FNTA: variants seen among roughly 807,000 people sequenced by gnomAD.
The protein encoded by FNTA is farnesyltransferase, CAAX box, subunit alpha.
In FNTA, 27 loss-of-function variants were observed where a neutral mutation model predicts 55.2. The ratio of observed to expected loss-of-function variants is 0.49; its 90% CI spans 0.36 to 0.67. The LOEUF is 0.67. Ranked by LOEUF, FNTA falls within the 30% of genes least tolerant of loss-of-function variation. The pLI is 0.00. For synonymous variants in FNTA, 176 were observed against 170.7 expected, an observed-to-expected ratio of 1.03 and a Z score of -0.24; for missense variants, 422 against 464.7, an observed-to-expected ratio of 0.91 and a Z score of 0.85.
At chr8:43,061,388 C>G (rs1366443998) in intron 2 of FNTA, among the ~76,000 whole-genome samples, 3 of 152,182 alleles carry the variant, frequency 2.0e-5, no homozygotes, top group Non-Finnish European at 4.4e-5. Context: ...CTATGTGCCT[C>G]TGTTTCCACC....
At chr8:43,062,173 A>ATGTGTGTGTGTGTG (rs35607201) in intron 2 of FNTA, among the ~76,000 whole-genome samples, 15 of 148,904 alleles carry the variant, frequency 1.0e-4, no homozygotes, top group Non-Finnish European at 1.0e-4. Context: ...TGTATGTTTT[A>ATGTGTGTGTGTGTG]TGTGTGTGTG....
chr8:43,065,986 A>G (rs1010684695), intron 3 of FNTA, among the ~76,000 whole-genome samples: 2 of 151,146 alleles, frequency 1.3e-5, no homozygotes, highest in Admixed American at 6.6e-5. Context: ...GAAGATTTCC[A>G]TTCCTTTGTT....
intron 3 of FNTA, among the ~76,000 whole-genome samples, chr8:43,068,279 G>A (rs1402455633): frequency 4.6e-5 from 7 of 152,064 alleles, no homozygotes; most frequent in Non-Finnish European, 8.8e-5. Context: ...CCCAAAGTTA[G>A]CAGTTCATTT....
rs528559291 is a variant in FNTA, at chr8:43,064,172, A to T, written c.358A>T (p.Thr120Ser). Residue 120 changes from threonine to serine, a missense_variant, in exon 3 of 9, where the codon ACC becomes TCC. Physicochemically the swap from Thr to Ser is moderately conservative, Grantham distance 58. Coordinates refer to ENST00000302279, the MANE Select transcript of FNTA (RefSeq NM_002027.3). Reference sequence around the variant, plus strand: ...AAGAAGTGAACGAGCTTTTAAGCTAACCCGGGATGCTATTGAGTTAAATGC... The same window carrying T: ...AAGAAGTGAACGAGCTTTTAAGCTATCCCGGGATGCTATTGAGTTAAATGC... ...DERSERAFKL[T>S]RDAIELNAAN... 1 of 1,613,860 alleles carries T rather than the reference A, an allele frequency of 6.2e-7. No individual in the cohort carries two copies. Among genetic ancestry groups the T allele is most frequent in the Non-Finnish European group, 8.5e-7 (1 of 1,179,686 alleles).
At chr8:43,067,458 G>A (rs1810686124) in intron 3 of FNTA, among the ~76,000 whole-genome samples, 2 of 152,120 alleles carry the variant, frequency 1.3e-5, no homozygotes, top group African/African-American at 2.4e-5. Context: ...ATTAGGGAGT[G>A]AGAATAAACT....
At chr8:43,069,936 G>T (rs1175322274) in intron 4 of FNTA, among the ~76,000 whole-genome samples, 2 of 151,924 alleles carry the variant, frequency 1.3e-5, no homozygotes, top group African/African-American at 2.4e-5. Context: ...GAGCCATTGC[G>T]CCTGGCCTAG....
chr8:43,062,019 T>C (rs923164271), intron 2 of FNTA, among the ~76,000 whole-genome samples: 4 of 151,944 alleles, frequency 2.6e-5, no homozygotes, highest in African/African-American at 9.7e-5. Flanking sequence ...GCGCCTGGTC[T>C]GTTTATAATG....
Position 43,077,377 on chromosome 8 carries a change from C to T in FNTA, c.782+13C>T, listed in dbSNP as rs907536057. The T allele has an allele frequency of 1.3e-6, 2 of 1,595,980 alleles. No individual in the cohort carries two copies. Among genetic ancestry groups the T allele is most frequent in the Middle Eastern group, 1.7e-4 (1 of 5,994 alleles). ...AGAGAGAAGTCCAGTTAGTAATCTC[C>T]TTCACTTGCTCATTCGTTACAAACA... On this transcript the variant is annotated intron_variant, in intron 6 of 8. Transcript: ENST00000302279.
At chr8:43,063,125 A>G (rs575066140) in intron 2 of FNTA, among the ~76,000 whole-genome samples, 27 of 138,338 alleles carry the variant, frequency 2.0e-4, no homozygotes, top group Non-Finnish European at 2.9e-4. Flanking sequence ...TTGTGCTGTC[A>G]CCCAGGCTCG....
intron 5 of FNTA, among the ~76,000 whole-genome samples, chr8:43,072,719 C>A (rs1458726555): frequency 1.3e-5 from 2 of 151,666 alleles, no homozygotes; most frequent in Non-Finnish European, 2.9e-5. Flanking sequence ...AGAGTGAGAC[C>A]CTATCTATTT....
intron 3 of FNTA, among the ~76,000 whole-genome samples, chr8:43,065,480 C>T (rs1039714487): frequency 4.6e-5 from 7 of 152,100 alleles, no homozygotes; most frequent in African/African-American, 1.2e-4. Context: ...CTCCTGACCT[C>T]GGGTGATCCA....
At chr8:43,068,344 A>G (rs938934809) in intron 3 of FNTA, among the ~76,000 whole-genome samples, 2 of 152,128 alleles carry the variant, frequency 1.3e-5, no homozygotes, top group Admixed American at 6.5e-5. Flanking sequence ...TCGAGTTGGA[A>G]ATTTTTGAAA....
chr8:43,063,617 T>C (rs1341455834), intron 2 of FNTA, among the ~76,000 whole-genome samples: 2 of 152,154 alleles, frequency 1.3e-5, no homozygotes, highest in Non-Finnish European at 2.9e-5. Flanking sequence ...TAGACTATAT[T>C]TGGAAGGATA....
chr8:43,068,253 C>T (rs1810705555), intron 3 of FNTA, among the ~76,000 whole-genome samples: 1 of 152,098 alleles, frequency 6.6e-6, no homozygotes, highest in South Asian at 2.1e-4. Flanking sequence ...CTCAAGTGAT[C>T]TGCCTGCCTC....
intron 5 of FNTA, among the ~76,000 whole-genome samples, chr8:43,076,230 G>C (rs953652338): frequency 2.6e-5 from 4 of 152,004 alleles, no homozygotes; most frequent in Non-Finnish European, 5.9e-5. Context: ...TTTTAGTAGA[G>C]ATGGGGTTTA....
In FNTA at chr8:43,077,269, G is replaced by A; in HGVS notation, c.687G>A (p.Glu229=). ...AGTATGTGGACCAACTTCTGAAAGA[G>A]GATGTGAGAAATAACTCTGTCTGGA... ...ELQYVDQLLK[E]DVRNNSVWNQ... is the part of the protein sequence containing the mutation. Residue 229 remains glutamate (E), a synonymous_variant, in exon 6 of 9, where the codon GAG becomes GAA. Coordinates refer to ENST00000302279, the MANE Select transcript of FNTA (RefSeq NM_002027.3). 5.0e-6 allele frequency: 8 copies of A among 1,611,742 alleles called. No homozygotes were observed. Among genetic ancestry groups the A allele is most frequent in the Non-Finnish European group, 6.8e-6 (8 of 1,178,508 alleles).
chr8:43,076,203 C>T (rs916652241), intron 5 of FNTA, among the ~76,000 whole-genome samples: 3 of 151,964 alleles, frequency 2.0e-5, no homozygotes, highest in Non-Finnish European at 4.4e-5. Context: ...GTCATCACAC[C>T]CGGCTAATTT....
chr8:43,065,819 CATT>C (rs1271596293), intron 3 of FNTA, among the ~76,000 whole-genome samples: 3 of 151,340 alleles, frequency 2.0e-5, no homozygotes, highest in Admixed American at 2.0e-4. Flanking sequence ...TAGAGCACAT[CATT>C]GAGTAGAAAG....
chr8:43,080,355 G>C (rs2130571283), intron 6 of FNTA: 1 of 152,402 alleles, frequency 6.6e-6, no homozygotes, highest in Non-Finnish European at 1.5e-5. Context: ...ATGGAGGCCA[G>C]ACCCTCCACC....
Sources: allele counts gnomAD v4.1 joint callset (sites outside exome capture counted in the v4.1 genomes callset), GRCh38; gene constraint gnomAD v4.1.1; transcripts MANE v1.5; gene names NCBI Gene and HGNC (gene_info 2026-07-23, HGNC 2026-07-21).